SAMD3: variants seen among roughly 807,000 people sequenced by gnomAD.
SAMD3 encodes the protein sterile alpha motif domain containing 3.
SAMD3 carries 63 observed loss-of-function variants against 58.5 expected under a neutral mutation model. The ratio of observed to expected loss-of-function variants is 1.08; its 90% CI spans 0.88 to 1.33. The LOEUF is 1.33. SAMD3 is among the 40% of genes most tolerant of loss of function. The probability of loss-of-function intolerance (pLI) is 0.00; values close to 1 mark genes in which losing one functional copy is unlikely to be tolerated. For synonymous variants in SAMD3, 220 were observed against 210.3 expected, an observed-to-expected ratio of 1.05 and a Z score of -0.40; for missense variants, 604 against 608.4, an observed-to-expected ratio of 0.99 and a Z score of 0.08.
intron 2 of SAMD3, among the ~76,000 whole-genome samples, chr6:130,302,120 A>C (rs1357439305): frequency 3.9e-5 from 6 of 152,242 alleles, no homozygotes. Context: ...TGCACAGCAA[A>C]CAATAAACAA....
intron 2 of SAMD3, among the ~76,000 whole-genome samples, chr6:130,290,251 G>A (rs908051624): frequency 6.6e-6 from 1 of 152,150 alleles, no homozygotes; most frequent in African/African-American, 2.4e-5. Context: ...CCATAAACAG[G>A]AGAGCAGGTT....
chr6:130,365,610 G>T (rs1057322415), upstream of SAMD3: 45 of 985,468 alleles, frequency 4.6e-5, 1 homozygote, highest in East Asian at 1.4e-3. Context: ...GGGGGAGCCG[G>T]GTCCCTGGCT....
chr6:130,185,811 T>G (rs888689342), intron 5 of SAMD3, among the ~76,000 whole-genome samples: 1 of 151,978 alleles, frequency 6.6e-6, no homozygotes, highest in African/African-American at 2.4e-5. Flanking sequence ...TTTTTATTTT[T>G]TGTGGAGATG....
At chr6:130,343,966 AAAAC>A (rs1554276942) in intron 1 of SAMD3, among the ~76,000 whole-genome samples, 1 of 145,700 alleles carries the variant, frequency 6.9e-6, no homozygotes, top group Non-Finnish European at 1.5e-5. Flanking sequence ...CTCTGTCTTA[AAAAC>A]AAACAAAAAA....
intron 1 of SAMD3, among the ~76,000 whole-genome samples, chr6:130,220,018 T>A (rs746813775): frequency 4.6e-5 from 7 of 152,204 alleles, no homozygotes; most frequent in Non-Finnish European, 8.8e-5. Flanking sequence ...TTCTATTTTT[T>A]TGAGATGGAG....
chr6:130,284,520 C>T (rs1488708184), intron 2 of SAMD3, among the ~76,000 whole-genome samples: 1 of 151,808 alleles, frequency 6.6e-6, no homozygotes, highest in East Asian at 1.9e-4. Flanking sequence ...AGATATAAAT[C>T]CAAATATTTC....
At chr6:130,224,902 G>A (rs1045427139), upstream of SAMD3, among the ~76,000 whole-genome samples, 1 of 152,214 alleles carries the variant, frequency 6.6e-6, no homozygotes, top group Admixed American at 6.5e-5. Context: ...ACAGGCATGA[G>A]TCACCACGCC....
chr6:130,349,530 A>T (rs1777580828), intron 1 of SAMD3, among the ~76,000 whole-genome samples: 1 of 152,242 alleles, frequency 6.6e-6, no homozygotes, highest in Non-Finnish European at 1.5e-5. Context: ...GAAGAAGTTG[A>T]ATCTCTGAAT....
rs548210079 is a variant in SAMD3, at chr6:130,279,079, G to A, written c.-188+33899C>T. Among the ~76,000 whole-genome samples, 101 of 152,246 alleles carry A rather than the reference G, an allele frequency of 6.6e-4. No homozygotes were observed. The South Asian group carries it at 0.018, about 27-fold the overall frequency. On this transcript the variant is annotated intron_variant, in intron 2 of 13. Transcript: ENST00000368134. ...CCTTGGCAAGTTATTTCACCATCATGAGTCTCAGTTTCCTAAATCATAAAA... is the reference window on the plus strand; with the variant it reads ...CCTTGGCAAGTTATTTCACCATCATAAGTCTCAGTTTCCTAAATCATAAAA...
intron 2 of SAMD3, among the ~76,000 whole-genome samples, chr6:130,269,981 T>C (rs1015453008): frequency 6.6e-6 from 1 of 152,090 alleles, no homozygotes; most frequent in Non-Finnish European, 1.5e-5. Context: ...ATTTTCTAGT[T>C]CTCTTTCTGT....
At chr6:130,272,155 T>C (rs1223979746) in intron 2 of SAMD3, among the ~76,000 whole-genome samples, 1 of 152,248 alleles carries the variant, frequency 6.6e-6, no homozygotes. Context: ...TGTAAGTTAT[T>C]TTTGTGAAAA....
intron 2 of SAMD3, among the ~76,000 whole-genome samples, chr6:130,280,012 T>G (rs1264227009): frequency 3.5e-5 from 5 of 142,510 alleles, no homozygotes; most frequent in Admixed American, 7.4e-5. Flanking sequence ...TAATTATCTT[T>G]CCTAAGTTAA....
At chr6:130,320,218 C>T (rs895874834) in intron 1 of SAMD3, among the ~76,000 whole-genome samples, 6 of 152,154 alleles carry the variant, frequency 3.9e-5, no homozygotes, top group Admixed American at 2.6e-4. Flanking sequence ...CAACTCTTTC[C>T]TCTTCAAAAA....
At chr6:130,260,493 C>T (rs754538244) in intron 2 of SAMD3, among the ~76,000 whole-genome samples, 1 of 152,196 alleles carries the variant, frequency 6.6e-6, no homozygotes, top group Non-Finnish European at 1.5e-5. Flanking sequence ...ACAAGAATTG[C>T]TCACTTGGGG....
intron 2 of SAMD3, among the ~76,000 whole-genome samples, chr6:130,230,794 C>T (rs62431202): frequency 9.2e-5 from 14 of 152,044 alleles, no homozygotes; most frequent in Non-Finnish European, 1.9e-4. Flanking sequence ...AAACATATTC[C>T]GACCTGCTTA....
chr6:130,202,609 A>G (rs1320842076), intron 5 of SAMD3, among the ~76,000 whole-genome samples: 1 of 152,226 alleles, frequency 6.6e-6, no homozygotes, highest in East Asian at 1.9e-4. Context: ...TAATGTTAAT[A>G]GATGTTACAC....
At chr6:130,347,862 G>C (rs1044378320) in intron 1 of SAMD3, among the ~76,000 whole-genome samples, 4 of 152,224 alleles carry the variant, frequency 2.6e-5, no homozygotes, top group Non-Finnish European at 5.9e-5. Flanking sequence ...AAGCCCATCA[G>C]ACTAACAACT....
intron 2 of SAMD3, among the ~76,000 whole-genome samples, chr6:130,296,415 G>A (rs541348336): frequency 8.5e-4 from 129 of 152,144 alleles, no homozygotes; most frequent in African/African-American, 2.9e-3. Flanking sequence ...CCCTACAAAA[G>A]CCCCCTCATG....
At chr6:130,328,040 C>T (rs576667840) in intron 1 of SAMD3, among the ~76,000 whole-genome samples, 4 of 152,298 alleles carry the variant, frequency 2.6e-5, no homozygotes, top group African/African-American at 9.6e-5. Flanking sequence ...TCTACCCCTA[C>T]CTGTAGCTGC....
Sources: allele counts gnomAD v4.1 joint callset (sites outside exome capture counted in the v4.1 genomes callset), GRCh38; gene constraint gnomAD v4.1.1; transcripts MANE v1.5; gene names NCBI Gene and HGNC (gene_info 2026-07-23, HGNC 2026-07-21).